Variants in EPHA7 observed in about 807,000 individuals in gnomAD.
EPHA7 encodes the protein EPH receptor A7.
EPHA7 carries 25 observed loss-of-function variants against 112.6 expected under a neutral mutation model. The observed-to-expected ratio is 0.22, with a 90% CI of 0.16 to 0.31. The LOEUF (loss-of-function observed/expected upper bound fraction) is 0.31, where lower values mean the gene tolerates loss of function less well. Among genes scored for constraint, EPHA7 ranks in the 10% least tolerant of loss-of-function variants. The pLI is 1.00. For synonymous variants in EPHA7, 437 were observed against 406.5 expected (o/e 1.07, Z -0.90); for missense variants, 962 against 1,212.6 (o/e 0.79, Z 3.07).
chr6:93,401,133 G>A (rs1263767399), intron 3 of EPHA7, among the ~76,000 whole-genome samples: 1 of 151,916 alleles, frequency 6.6e-6, no homozygotes, highest in East Asian at 1.9e-4. Context: ...CACAGTATGT[G>A]TCCTTTCAAA....
chr6:93,380,272 A>G (rs894683045), intron 3 of EPHA7, among the ~76,000 whole-genome samples: 1 of 152,056 alleles, frequency 6.6e-6, no homozygotes, highest in Non-Finnish European at 1.5e-5. Flanking sequence ...TGGGAGGGGG[A>G]AACGAAAATA....
chr6:93,240,971 C>T lies in EPHA7; in HGVS notation c.*2455G>A. ...CTTCCTATTGTGCTGTGTGTCTTTC[C>T]CATCCCTTCTCCCCTTTCCCTGTAA... On this transcript the variant is annotated 3_prime_UTR_variant, in exon 17 of 17. Transcript: ENST00000369303. The T allele has an allele frequency of 4.7e-6, 1 of 213,758 alleles. No homozygotes were observed. The highest frequency in any genetic ancestry group is 7.0e-5 in the East Asian group (1 of 14,312). 13.2% of individuals were successfully genotyped at this position (213,758 alleles called of 1,614,324 possible). A position where few individuals can be genotyped will look rare whatever the true frequency, so the allele number is the denominator to read the frequency against.
At chr6:93,361,922 T>C (rs1397691201) in intron 3 of EPHA7, among the ~76,000 whole-genome samples, 4 of 152,142 alleles carry the variant, frequency 2.6e-5, no homozygotes, top group Non-Finnish European at 4.4e-5. Context: ...TGTCTTTTGA[T>C]GTTTTTGCTT....
In EPHA7 at chr6:93,412,122, T is replaced by C. The variant is rs1779005705; in HGVS notation, c.163-952A>G. On this transcript the variant is annotated intron_variant, in intron 2 of 16. Coordinates refer to ENST00000369303, the MANE Select transcript of EPHA7 (RefSeq NM_004440.4). Reference sequence around the variant, plus strand: ...AATCTTAAAAGCCTAAATGAATGGTTTGTTTTCTTCGTACAATTATTAATA... The same window carrying C: ...AATCTTAAAAGCCTAAATGAATGGTCTGTTTTCTTCGTACAATTATTAATA... Among the ~76,000 whole-genome samples the C allele has an allele frequency of 3.9e-5, 6 of 152,082 alleles. No individual in the cohort carries two copies. The South Asian group carries it at 1.2e-3, about 31-fold the overall frequency.
At chr6:93,263,809 A>T in intron 9 of EPHA7, 51 bp downstream of exon 9, 5 of 1,493,168 alleles carry the variant, frequency 3.3e-6, no homozygotes, top group Non-Finnish European at 4.6e-6. Flanking sequence ...TAATAACCAG[A>T]TTTTTCTGTT....
chr6:93,338,777 T>C (rs894993906), intron 5 of EPHA7, among the ~76,000 whole-genome samples: 1 of 151,614 alleles, frequency 6.6e-6, no homozygotes, highest in African/African-American at 2.4e-5. Context: ...TCCAAAGTTA[T>C]ACTATCTAAC....
Position 93,410,600 on chromosome 6 carries a change from C to T in EPHA7, c.733G>A (p.Ala245Thr), listed in dbSNP as rs41273629. 1,839 of 1,613,986 alleles carry T rather than the reference C, an allele frequency of 1.1e-3. 6 individuals are homozygous for T. The highest frequency in any genetic ancestry group is 6.4e-3 in the Middle Eastern group (39 of 6,062). The change falls in exon 3 of 17, where the codon GCC becomes ACC. Residue 245 changes from alanine (A) to threonine (T), a missense_variant. This residue lies in a region of EPHA7 where 160 missense variants were observed against 263.6 expected (regional missense o/e 0.61). Transcript: ENST00000369303. This position sits in a 1 kb window ranked among gnomAD's most constrained non-coding sequence, Gnocchi z 4.0. ...VSSAEEEAEN[A>T]PRMHCSAEGE... ...TCTGCACTGCAGTGCATCCTGGGGGCGTTTTCCGCTTCTTCCTCTGCACTG... is the reference window on the plus strand; with the variant it reads ...TCTGCACTGCAGTGCATCCTGGGGGTGTTTTCCGCTTCTTCCTCTGCACTG...
chr6:93,296,593 C>T (rs538186625), intron 5 of EPHA7, among the ~76,000 whole-genome samples: 68 of 150,888 alleles, frequency 4.5e-4, no homozygotes, highest in African/African-American at 1.6e-3. Flanking sequence ...AAGCCAGGTA[C>T]ATAAAGAAAA....
chr6:93,282,981 G>A (rs1014360266), intron 5 of EPHA7, among the ~76,000 whole-genome samples: 4 of 152,194 alleles, frequency 2.6e-5, no homozygotes, highest in African/African-American at 9.6e-5. Flanking sequence ...CCCAAGGGCT[G>A]AGGAGTGCAG....
At chr6:93,361,164 A>C (rs1776242284) in intron 3 of EPHA7, among the ~76,000 whole-genome samples, 3 of 152,108 alleles carry the variant, frequency 2.0e-5, no homozygotes, top group Admixed American at 6.5e-5. Context: ...AAATAGATAA[A>C]GGCAATACCG....
chr6:93,418,875 G>A (rs1779380938), intron 1 of EPHA7, among the ~76,000 whole-genome samples: 1 of 152,212 alleles, frequency 6.6e-6, no homozygotes, highest in Admixed American at 6.5e-5. Flanking sequence ...AGGCGAATAA[G>A]GAGACAAGGA....
At chr6:93,302,980 T>C (rs1057096426) in intron 5 of EPHA7, among the ~76,000 whole-genome samples, 1 of 152,066 alleles carries the variant, frequency 6.6e-6, no homozygotes, top group South Asian at 2.1e-4. Flanking sequence ...TGGGAAACAC[T>C]ACCTGCAGGG....
At chr6:93,257,648 C>CT (rs1231230237) in intron 11 of EPHA7, 125 bp from the exon 12 acceptor site, 12 of 628,154 alleles carry the variant, frequency 1.9e-5, no homozygotes, top group Non-Finnish European at 2.7e-5. Context: ...ATGAGCATTT[C>CT]TTTTATTGTT....
At chr6:93,405,811 GTGTA>G (rs1434308844) in intron 3 of EPHA7, among the ~76,000 whole-genome samples, 20 of 58,950 alleles carry the variant, frequency 3.4e-4, no homozygotes, top group South Asian at 1.3e-3. Context: ...GTGTGTGTGT[GTGTA>G]TATATATATA....
chr6:93,403,652 C>T (rs1014641269), intron 3 of EPHA7, among the ~76,000 whole-genome samples: 6 of 145,456 alleles, frequency 4.1e-5, no homozygotes, highest in Non-Finnish European at 9.0e-5. Flanking sequence ...CATGGCAACA[C>T]TCATCTCTTA....
chr6:93,255,240 C>A (rs1032480120), intron 13 of EPHA7, among the ~76,000 whole-genome samples: 1 of 151,844 alleles, frequency 6.6e-6, no homozygotes, highest in Non-Finnish European at 1.5e-5. Flanking sequence ...CCTAGCTACT[C>A]GGAAGGCTGA....
chr6:93,377,286 T>C (rs1777107467), intron 3 of EPHA7, among the ~76,000 whole-genome samples: 1 of 152,182 alleles, frequency 6.6e-6, no homozygotes, highest in Non-Finnish European at 1.5e-5. Context: ...GTTGAGAAAT[T>C]CTGTTTTAAT....
intron 5 of EPHA7, among the ~76,000 whole-genome samples, chr6:93,274,167 G>T (rs1771361466): frequency 1.3e-5 from 2 of 151,732 alleles, no homozygotes; most frequent in African/African-American, 4.8e-5. Flanking sequence ...TAAATCTCTA[G>T]GTTTCTTTCA....
Position 93,243,348 on chromosome 6 carries a change from C to G in EPHA7, c.*78G>C. On this transcript the variant is annotated 3_prime_UTR_variant, in exon 17 of 17. Coordinates refer to ENST00000369303, the MANE Select transcript of EPHA7 (RefSeq NM_004440.4). ...ACCCAGGACATCACTTGTCTTCTAG[C>G]AGCATTCTATGCATATACTGAAGGC... 9.4e-7 allele frequency: 1 copy of G among 1,061,592 alleles called. No individual in the cohort carries two copies. The highest frequency in any genetic ancestry group is 1.4e-6 in the Non-Finnish European group (1 of 702,576). The allele number at this position is 1,061,592 out of a possible 1,614,324, so 65.8% of individuals were successfully genotyped here.
Sources: gnomAD v4.1 joint callset for allele counts (sites outside exome capture counted in the v4.1 genomes callset) on GRCh38, gnomAD v4.1.1 for gene constraint, gnomAD v4.1.1 regional missense constraint, Gnocchi (gnomAD v3.1) non-coding constraint, MANE v1.5 for transcripts, NCBI Gene and HGNC (gene_info 2026-07-23, HGNC 2026-07-21) for gene names.